Variants in CTNNA3 observed in about 807,000 individuals in gnomAD.
CTNNA3 encodes the protein catenin alpha 3.
Under a neutral mutation model 95.7 loss-of-function variants are expected in CTNNA3, and 76 were observed. The observed-to-expected ratio is 0.79, with a 90% CI of 0.66 to 0.96. The LOEUF (loss-of-function observed/expected upper bound fraction) is 0.96. CTNNA3 is among the 40% of genes least tolerant of loss of function. The pLI, the probability that CTNNA3 is intolerant of heterozygous loss-of-function variation, is 0.00. For synonymous variants in CTNNA3, 431 were observed against 374.4 expected, an observed-to-expected ratio of 1.15 and a Z score of -1.74; for missense variants, 1,191 against 1,089.8, an observed-to-expected ratio of 1.09 and a Z score of -1.31.
chr10:67,199,023 G>A (rs1193179834), intron 6 of CTNNA3, among the ~76,000 whole-genome samples: 1 of 151,706 alleles, frequency 6.6e-6, no homozygotes, highest in East Asian at 1.9e-4. Context: ...GAAAGAGGAG[G>A]GAGATGTAAA....
chr10:67,496,214 C>T (rs1839017544), intron 5 of CTNNA3, among the ~76,000 whole-genome samples: 1 of 152,094 alleles, frequency 6.6e-6, no homozygotes. Flanking sequence ...GCATAAAGAA[C>T]ACAGCTTTCA....
chr10:66,077,158 T>C (rs2080581329), intron 14 of CTNNA3, among the ~76,000 whole-genome samples: 2 of 151,722 alleles, frequency 1.3e-5, no homozygotes, highest in East Asian at 1.9e-4. Context: ...AATATTTAGA[T>C]ATAAAATGCT....
intron 2 of CTNNA3, among the ~76,000 whole-genome samples, chr10:67,635,476 C>T (rs937549657): frequency 2.0e-5 from 3 of 152,128 alleles, no homozygotes; most frequent in Admixed American, 6.5e-5. Flanking sequence ...CCACCATGAT[C>T]GAGTTGTCTT....
intron 10 of CTNNA3, among the ~76,000 whole-genome samples, chr10:66,565,309 A>G (rs1057204733): frequency 5.3e-5 from 8 of 151,760 alleles, no homozygotes; most frequent in Non-Finnish European, 8.8e-5. Flanking sequence ...AGGATACATA[A>G]GAGATGGAGA....
chr10:66,590,380 G>T (rs1034144632), intron 10 of CTNNA3, among the ~76,000 whole-genome samples: 2 of 152,024 alleles, frequency 1.3e-5, no homozygotes, highest in African/African-American at 4.8e-5. Context: ...GAAATCACCC[G>T]TACCAGACAA....
Position 66,520,677 on chromosome 10 carries a change from G to A in CTNNA3, c.1471C>T (p.His491Tyr), listed in dbSNP as rs2132020973. 6.2e-7 allele frequency: 1 copy of A among 1,611,488 alleles called. No homozygotes were observed. The change falls in exon 11 of 18, where the codon CAT (histidine) becomes TAT (tyrosine). Residue 491 changes from histidine (H) to tyrosine (Y), a missense_variant. Coordinates refer to ENST00000433211, the MANE Select transcript of CTNNA3 (RefSeq NM_013266.4). ...TCATCTACGGCTTCAGTGAGGACATGTATATGATTCTCCCATGTACGCTTG... is the reference window on the plus strand; with the variant it reads ...TCATCTACGGCTTCAGTGAGGACATATATATGATTCTCCCATGTACGCTTG... ...MYKRTWENHI[H>Y]VLTEAVDDIT...
chr10:67,293,548 G>C (rs1243390534), intron 5 of CTNNA3, among the ~76,000 whole-genome samples: 1 of 151,830 alleles, frequency 6.6e-6, no homozygotes, highest in African/African-American at 2.4e-5. Flanking sequence ...TTAAGTTTTA[G>C]GGTACACGTG....
chr10:67,361,855 C>G (rs983141842), intron 5 of CTNNA3, among the ~76,000 whole-genome samples: 3 of 151,830 alleles, frequency 2.0e-5, no homozygotes. Context: ...AAACAATAAA[C>G]AAGATCCATA....
chr10:66,746,889 GCA>G (rs1838901051), intron 9 of CTNNA3, among the ~76,000 whole-genome samples: 2 of 151,618 alleles, frequency 1.3e-5, no homozygotes, highest in Admixed American at 6.6e-5. Context: ...GTGTGTGCGT[GCA>G]CACACATGTG....
intron 7 of CTNNA3, among the ~76,000 whole-genome samples, chr10:66,989,253 TTTAA>T (rs1247840125): frequency 1.3e-5 from 2 of 152,158 alleles, no homozygotes; most frequent in South Asian, 2.1e-4. Context: ...TATTTAACTC[TTTAA>T]TTAATCAACT....
At chr10:67,406,549 T>C (rs1845143786) in intron 5 of CTNNA3, among the ~76,000 whole-genome samples, 1 of 151,636 alleles carries the variant, frequency 6.6e-6, no homozygotes, top group Admixed American at 6.6e-5. Context: ...CAAAGCTAGC[T>C]GAAGACAATA....
At chr10:67,648,509 G>A (rs948095756) in intron 1 of CTNNA3, among the ~76,000 whole-genome samples, 1 of 152,126 alleles carries the variant, frequency 6.6e-6, no homozygotes, top group African/African-American at 2.4e-5. Flanking sequence ...AACCTGCCAA[G>A]TGTGTCCTTG....
At chr10:67,458,236 C>G (rs1266806871) in intron 5 of CTNNA3, among the ~76,000 whole-genome samples, 3 of 152,058 alleles carry the variant, frequency 2.0e-5, no homozygotes, top group African/African-American at 7.2e-5. Context: ...CCCAATTAAC[C>G]AGTTACATCA....
chr10:67,281,777 G>T (rs1839410327), intron 5 of CTNNA3, among the ~76,000 whole-genome samples: 1 of 151,894 alleles, frequency 6.6e-6, no homozygotes, highest in Non-Finnish European at 1.5e-5. Flanking sequence ...CTTTAGTTCT[G>T]AATATAAATA....
At chr10:66,067,543 T>C (rs1326827972) in intron 15 of CTNNA3, among the ~76,000 whole-genome samples, 1 of 152,172 alleles carries the variant, frequency 6.6e-6, no homozygotes, top group Non-Finnish European at 1.5e-5. Flanking sequence ...GTAAATAAAT[T>C]TATATGTTTT....
chr10:66,404,272 C>G (rs1004667111), intron 11 of CTNNA3, among the ~76,000 whole-genome samples: 1 of 152,074 alleles, frequency 6.6e-6, no homozygotes, highest in African/African-American at 2.4e-5. Context: ...CATTAAAACC[C>G]CCTAACTTCC....
At position 66,152,097 on chromosome 10, in the gene CTNNA3, C is replaced by T. The variant is rs570198883; in HGVS notation, c.1885-48848G>A. Reference sequence around the variant, plus strand: ...TGACAAATTATTTTTACATAATTGACACAGAATCATTTCATTCCTGCTGTA... The same window carrying T: ...TGACAAATTATTTTTACATAATTGATACAGAATCATTTCATTCCTGCTGTA... On this transcript the variant is annotated intron_variant, in intron 13 of 17. Coordinates refer to ENST00000433211, the MANE Select transcript of CTNNA3 (RefSeq NM_013266.4). Among the ~76,000 whole-genome samples the T allele has an allele frequency of 1.1e-4, 17 of 151,872 alleles. No homozygotes were observed. The South Asian group carries it at 3.1e-3, about 28-fold the overall frequency.
rs964893886 is a variant in CTNNA3, at chr10:66,648,566, T to C, written c.1282-26782A>G. On this transcript the variant is annotated intron_variant, in intron 9 of 17. Coordinates refer to ENST00000433211, the MANE Select transcript of CTNNA3 (RefSeq NM_013266.4). ...GATCCTTAATTCATACAAACAGTAATGGGGAGACACTAAAATGTTTTCTGA... is the reference window on the plus strand; with the variant it reads ...GATCCTTAATTCATACAAACAGTAACGGGGAGACACTAAAATGTTTTCTGA... Among the ~76,000 whole-genome samples, 2 of 152,044 alleles carry C rather than the reference T, an allele frequency of 1.3e-5. 1 individual carries two copies. The highest frequency in any genetic ancestry group is 2.9e-5 in the Non-Finnish European group (2 of 68,006).
At chr10:66,583,949 C>T (rs1843278111) in intron 10 of CTNNA3, among the ~76,000 whole-genome samples, 1 of 151,778 alleles carries the variant, frequency 6.6e-6, no homozygotes, top group Non-Finnish European at 1.5e-5. Flanking sequence ...AAAAATCATT[C>T]AGGAGTAGAT....
Sources: allele counts gnomAD v4.1 joint callset (sites outside exome capture counted in the v4.1 genomes callset), GRCh38; gene constraint gnomAD v4.1.1; transcripts MANE v1.5; gene names NCBI Gene and HGNC (gene_info 2026-07-23, HGNC 2026-07-21).